KCNK10: variants seen among roughly 807,000 people sequenced by gnomAD.
KCNK10 encodes potassium two pore domain channel subfamily K member 10, also known as potassium channel subfamily K member 10.
KCNK10 carries 25 observed loss-of-function variants against 47.7 expected under a neutral mutation model. The ratio of observed to expected loss-of-function variants is 0.52; its 90% CI spans 0.38 to 0.73. The LOEUF is 0.73. Among genes scored for constraint, KCNK10 ranks in the 30% least tolerant of loss-of-function variants. The pLI, the probability that KCNK10 is intolerant of heterozygous loss-of-function variation, is 0.00. For synonymous variants in KCNK10, 303 were observed against 285.6 expected (o/e 1.06, Z -0.61); for missense variants, 563 against 714.5 (o/e 0.79, Z 2.42).
chr14:88,308,524 G>A (rs763051570), intron 1 of KCNK10, among the ~76,000 whole-genome samples: 20 of 152,228 alleles, frequency 1.3e-4, no homozygotes, highest in Admixed American at 3.9e-4. Flanking sequence ...TGGAAATCAC[G>A]TGTAGCAAAA....
chr14:88,315,417 G>A (rs767037957), intron 1 of KCNK10, among the ~76,000 whole-genome samples: 3 of 152,152 alleles, frequency 2.0e-5, no homozygotes, highest in Non-Finnish European at 4.4e-5. Flanking sequence ...AACACTTGGT[G>A]CCTGACTTTT....
At chr14:88,293,988 T>C (rs1279822992) in intron 1 of KCNK10, among the ~76,000 whole-genome samples, 1 of 152,176 alleles carries the variant, frequency 6.6e-6, no homozygotes, top group Non-Finnish European at 1.5e-5. Flanking sequence ...CCTGCTTCCA[T>C]TCTCATCCAC....
chr14:88,258,505 G>C (rs1887021481), intron 2 of KCNK10, among the ~76,000 whole-genome samples: 1 of 152,098 alleles, frequency 6.6e-6, no homozygotes, highest in African/African-American at 2.4e-5. Flanking sequence ...TGGTCAGGCT[G>C]GTCTCAAACT....
intron 4 of KCNK10, among the ~76,000 whole-genome samples, chr14:88,212,141 G>C (rs1885483608): frequency 8.3e-6 from 1 of 120,708 alleles, no homozygotes; most frequent in African/African-American, 3.0e-5. Flanking sequence ...TCGAGAGAGA[G>C]AGAGAGAGAA....
intron 5 of KCNK10, among the ~76,000 whole-genome samples, chr14:88,188,885 A>ATTAT (rs1198954529): frequency 6.6e-6 from 1 of 152,222 alleles, no homozygotes; most frequent in Non-Finnish European, 1.5e-5. Flanking sequence ...ATTTATTCTA[A>ATTAT]CCTTCCTACA....
At position 88,180,537 on chromosome 14, in the gene KCNK10, C is replaced by T. The variant is rs1595064053; in HGVS notation, c.*4998G>A. ...CTTCTGCAGCATAGGTCTGCTGAATCGACGGAGCAGGAGTCCTCTCAAAAT... is the reference window on the plus strand; with the variant it reads ...CTTCTGCAGCATAGGTCTGCTGAATTGACGGAGCAGGAGTCCTCTCAAAAT... On this transcript the variant is annotated 3_prime_UTR_variant, in exon 7 of 7. Coordinates refer to ENST00000319231, the MANE Select transcript of KCNK10 (RefSeq NM_138317.3). 1 of 338,246 alleles carries T rather than the reference C, an allele frequency of 3.0e-6. No homozygotes were observed. The allele number at this position is 338,246 out of a possible 1,614,324, so 21.0% of individuals were successfully genotyped here.
chr14:88,180,932 T>C lies in KCNK10; in HGVS notation c.*4603A>G. 2.5e-6 allele frequency: 1 copy of C among 398,480 alleles called. No individual in the cohort carries two copies. Among genetic ancestry groups the C allele is most frequent in the East Asian group, 3.5e-5 (1 of 28,202 alleles). The allele number at this position is 398,480 out of a possible 1,614,324, so 24.7% of individuals were successfully genotyped here. A position where few individuals can be genotyped will look rare whatever the true frequency, so the allele number is the denominator to read the frequency against. On this transcript the variant is annotated 3_prime_UTR_variant, in exon 7 of 7. Transcript: ENST00000319231. ...CTTTGTTTCAGAGAGTTACCCTTTT[T>C]CTTTTTAAGGCCATTACTAGCCAGC...
At chr14:88,233,566 T>C (rs1033857127) in intron 3 of KCNK10, among the ~76,000 whole-genome samples, 1 of 152,170 alleles carries the variant, frequency 6.6e-6, no homozygotes, top group African/African-American at 2.4e-5. Context: ...GGTGAGTAAG[T>C]GAATGGAATC....
At chr14:88,200,252 T>C (rs1018164954) in intron 4 of KCNK10, among the ~76,000 whole-genome samples, 2 of 152,028 alleles carry the variant, frequency 1.3e-5, no homozygotes, top group African/African-American at 2.4e-5. Context: ...AAAATAAGCA[T>C]TAAGAAATCT....
At chr14:88,278,515 G>GA (rs1887576992) in intron 1 of KCNK10, among the ~76,000 whole-genome samples, 1 of 152,186 alleles carries the variant, frequency 6.6e-6, no homozygotes, top group African/African-American at 2.4e-5. Context: ...AATGTGGAAT[G>GA]AAAGTACCAC....
chr14:88,287,365 G>T (rs1887784470), intron 1 of KCNK10, among the ~76,000 whole-genome samples: 1 of 152,122 alleles, frequency 6.6e-6, no homozygotes, highest in Admixed American at 6.6e-5. Flanking sequence ...GGTGGTGTTT[G>T]GTTACATGAC....
At chr14:88,314,469 G>A (rs545854923) in intron 1 of KCNK10, among the ~76,000 whole-genome samples, 26 of 152,270 alleles carry the variant, frequency 1.7e-4, no homozygotes, top group Middle Eastern at 3.4e-3. Context: ...TAAAGCAGCC[G>A]AAATCAACTA....
intron 4 of KCNK10, among the ~76,000 whole-genome samples, chr14:88,221,795 A>C (rs1885817567): frequency 6.6e-6 from 1 of 152,244 alleles, no homozygotes; most frequent in Non-Finnish European, 1.5e-5. Context: ...ACTTAGAAGC[A>C]AACAAGATGT....
chr14:88,206,462 G>A (rs979459296), intron 4 of KCNK10, among the ~76,000 whole-genome samples: 3 of 152,150 alleles, frequency 2.0e-5, no homozygotes, highest in African/African-American at 7.2e-5. Flanking sequence ...TACATGTGAA[G>A]ACACACACAC....
chr14:88,182,676 C>A lies in KCNK10; in HGVS notation c.*2859G>T, dbSNP rs923535293. On this transcript the variant is annotated 3_prime_UTR_variant, in exon 7 of 7. Transcript: ENST00000319231. Reference sequence around the variant, plus strand: ...ATGTAGAAAATTTTCCCACCCCCAGCCCAAGGTTATGTTTGATCCCTCTGT... The same window carrying A: ...ATGTAGAAAATTTTCCCACCCCCAGACCAAGGTTATGTTTGATCCCTCTGT... 4 of 152,336 alleles carry A rather than the reference C, an allele frequency of 2.6e-5. No individual in the cohort carries two copies. Among genetic ancestry groups the A allele is most frequent in the Non-Finnish European group, 5.9e-5 (4 of 68,044 alleles). 9.4% of individuals were successfully genotyped at this position (152,336 alleles called of 1,614,324 possible). A position where few individuals can be genotyped will look rare whatever the true frequency, so the allele number is the denominator to read the frequency against.
chr14:88,232,419 C>T (rs1250139642), intron 3 of KCNK10, among the ~76,000 whole-genome samples: 1 of 152,176 alleles, frequency 6.6e-6, no homozygotes, highest in Non-Finnish European at 1.5e-5. Context: ...GGAAGAATTG[C>T]TGGGCTCTGA....
intron 1 of KCNK10, among the ~76,000 whole-genome samples, chr14:88,283,437 C>T (rs1442257022): frequency 6.6e-6 from 1 of 152,166 alleles, no homozygotes; most frequent in Non-Finnish European, 1.5e-5. Context: ...GTGACTGAGA[C>T]CTTGAGCCTG....
intron 4 of KCNK10, among the ~76,000 whole-genome samples, chr14:88,219,206 G>T (rs1371631748): frequency 6.6e-6 from 1 of 152,228 alleles, no homozygotes; most frequent in Non-Finnish European, 1.5e-5. Flanking sequence ...TCACCCTAGA[G>T]TGGGACCCAG....
chr14:88,227,461 G>C lies in KCNK10; in HGVS notation c.595C>G (p.Leu199Val). 6.2e-7 allele frequency: 1 copy of C among 1,613,662 alleles called. No individual in the cohort carries two copies. Among genetic ancestry groups the C allele is most frequent in the Non-Finnish European group, 8.5e-7 (1 of 1,179,782 alleles). Residue 199 changes from leucine to valine, a missense_variant, in exon 4 of 7, where the codon CTC (leucine) becomes GTC (valine). Transcript: ENST00000319231. ...CILYAIFGIP[L>V]FGFLLAGIGD... ...ATTCCAGCCAATAAGAAACCAAAGA[G>C]TGGAATTCCAAAGATGGCATATAAA...
Sources: gnomAD v4.1 joint callset for allele counts (sites outside exome capture counted in the v4.1 genomes callset) on GRCh38, gnomAD v4.1.1 for gene constraint, MANE v1.5 for transcripts, NCBI Gene and HGNC (gene_info 2026-07-23, HGNC 2026-07-21) for gene names.